COL25A1: variants seen among roughly 807,000 people sequenced by gnomAD.
COL25A1 encodes the protein collagen alpha-1(XXV) chain.
COL25A1 carries 103 observed loss-of-function variants against 128.4 expected under a neutral mutation model. The observed-to-expected ratio is 0.80, with a 90% CI of 0.68 to 0.94. The LOEUF (loss-of-function observed/expected upper bound fraction) is 0.94, where lower values mean the gene tolerates loss of function less well. Ranked by LOEUF, COL25A1 falls within the 40% of genes least tolerant of loss-of-function variation. The probability of loss-of-function intolerance (pLI) is 0.00; values close to 1 mark genes in which losing one functional copy is unlikely to be tolerated. For missense variants in COL25A1, 745 were observed against 840.0 expected (o/e 0.89, Z 1.40); for synonymous variants, 279 against 277.2 (o/e 1.01, Z -0.06).
intron 27 of COL25A1, among the ~76,000 whole-genome samples, chr4:108,847,227 T>C (rs1007300915): frequency 6.6e-6 from 1 of 152,058 alleles, no homozygotes; most frequent in Non-Finnish European, 1.5e-5. Context: ...ATATTAATAT[T>C]GACATTAATT....
intron 6 of COL25A1, among the ~76,000 whole-genome samples, chr4:108,983,360 T>G (rs2126000160): frequency 6.6e-6 from 1 of 152,312 alleles, no homozygotes; most frequent in South Asian, 2.1e-4. Context: ...GCTCTTACTG[T>G]CCTCAACACG....
At chr4:108,956,069 G>A (rs1750039262) in intron 8 of COL25A1, among the ~76,000 whole-genome samples, 1 of 152,104 alleles carries the variant, frequency 6.6e-6, no homozygotes, top group East Asian at 1.9e-4. Context: ...AGGTAGCTCT[G>A]TGAAGTATAT....
intron 3 of COL25A1, among the ~76,000 whole-genome samples, chr4:109,095,552 T>C (rs1049837105): frequency 6.6e-6 from 1 of 152,114 alleles, no homozygotes; most frequent in African/African-American, 2.4e-5. Context: ...AGCCAGTATG[T>C]CAGGGTCCAA....
chr4:109,277,213 T>C (rs1006042801), intron 3 of COL25A1, among the ~76,000 whole-genome samples: 2 of 152,176 alleles, frequency 1.3e-5, no homozygotes, highest in African/African-American at 2.4e-5. Flanking sequence ...CCTCTCTCCA[T>C]GCTTCTAAAA....
chr4:109,100,709 A>C (rs1325402664), intron 3 of COL25A1, among the ~76,000 whole-genome samples: 10 of 152,208 alleles, frequency 6.6e-5, no homozygotes, highest in Non-Finnish European at 1.3e-4. Context: ...GAAAAATGTT[A>C]ACCTCTAGTA....
At chr4:108,831,642 G>T (rs900548232) in intron 32 of COL25A1, among the ~76,000 whole-genome samples, 1 of 151,528 alleles carries the variant, frequency 6.6e-6, no homozygotes, top group African/African-American at 2.4e-5. Flanking sequence ...GATTTCCAAG[G>T]TGAGGAAAAG....
chr4:108,917,198 G>T (rs550127034), intron 13 of COL25A1, among the ~76,000 whole-genome samples: 12 of 152,148 alleles, frequency 7.9e-5, no homozygotes, highest in South Asian at 4.2e-4. Context: ...AACTTACTAG[G>T]TTTAAAATTG....
intron 3 of COL25A1, among the ~76,000 whole-genome samples, chr4:109,151,585 A>C (rs1297036965): frequency 1.3e-5 from 2 of 152,084 alleles, no homozygotes; most frequent in Non-Finnish European, 2.9e-5. Context: ...AAAATTCTTT[A>C]CTTTGTATCA....
intron 3 of COL25A1, among the ~76,000 whole-genome samples, chr4:109,270,043 T>TA (rs1782086203): frequency 6.6e-6 from 1 of 152,052 alleles, no homozygotes; most frequent in Non-Finnish European, 1.5e-5. Context: ...AAACTCTCAA[T>TA]AAATTAGGTA....
intron 8 of COL25A1, among the ~76,000 whole-genome samples, chr4:108,962,194 TC>T (rs755070646): frequency 0.28 from 41,057 of 144,894 alleles, 6,458 homozygotes; most frequent in South Asian, 0.43. Context: ...TCTTTTTTTT[TC>T]TTTTTTTTTT....
chr4:109,011,788 A>G (rs1434611176), intron 5 of COL25A1, among the ~76,000 whole-genome samples: 3 of 152,240 alleles, frequency 2.0e-5, no homozygotes, highest in Admixed American at 2.0e-4. Context: ...CAGATCAACT[A>G]TGGTACAAGA....
At chr4:109,142,439 G>A (rs1016222410) in intron 3 of COL25A1, among the ~76,000 whole-genome samples, 2 of 152,128 alleles carry the variant, frequency 1.3e-5, no homozygotes, top group Middle Eastern at 3.2e-3. Flanking sequence ...AGGTCTGCTT[G>A]GTCCAGAGCT....
chr4:109,279,117 G>A (rs1723119213), intron 3 of COL25A1, among the ~76,000 whole-genome samples: 1 of 151,830 alleles, frequency 6.6e-6, no homozygotes. Flanking sequence ...TTTGGGCGGG[G>A]GGATGGGGGA....
rs75150117 is a variant in COL25A1, at chr4:109,290,682, G to A, written c.367+9901C>T. On this transcript the variant is annotated intron_variant, in intron 3 of 37. Transcript: ENST00000399132. Reference sequence around the variant, plus strand: ...GCTTTGGTTGGCATGTATCAGGGGCGTCCAATCTTTTGGCTTCCCTGGGCC... The same window carrying A: ...GCTTTGGTTGGCATGTATCAGGGGCATCCAATCTTTTGGCTTCCCTGGGCC... Among the ~76,000 whole-genome samples the A allele has an allele frequency of 4.3e-3, 649 of 152,078 alleles. 2 individuals carry two copies. Among genetic ancestry groups the A allele is most frequent in the Non-Finnish European group, 7.7e-3 (522 of 67,952 alleles).
chr4:109,269,802 T>C (rs184181480), intron 3 of COL25A1, among the ~76,000 whole-genome samples: 47 of 152,304 alleles, frequency 3.1e-4, no homozygotes, highest in African/African-American at 1.1e-3. Context: ...TTGATGAACA[T>C]TGATGCAAAA....
intron 11 of COL25A1, among the ~76,000 whole-genome samples, chr4:108,935,612 C>A (rs1299915972): frequency 4.6e-5 from 7 of 150,792 alleles, no homozygotes; most frequent in African/African-American, 1.7e-4. Flanking sequence ...TTTAAAGAGT[C>A]AAGAAAAGTT....
At chr4:108,975,154 T>C (rs1360100356) in intron 6 of COL25A1, among the ~76,000 whole-genome samples, 1 of 152,210 alleles carries the variant, frequency 6.6e-6, no homozygotes, top group Non-Finnish European at 1.5e-5. Flanking sequence ...AGGTCTTGGC[T>C]ATTATAAAAA....
At chr4:109,212,456 A>T (rs1777646695) in intron 3 of COL25A1, among the ~76,000 whole-genome samples, 1 of 152,194 alleles carries the variant, frequency 6.6e-6, no homozygotes, top group South Asian at 2.1e-4. Context: ...GCATTCTAAA[A>T]GTCCTATTGG....
intron 6 of COL25A1, among the ~76,000 whole-genome samples, chr4:108,982,299 G>C (rs142217263): frequency 6.6e-6 from 1 of 152,118 alleles, no homozygotes; most frequent in African/African-American, 2.4e-5. Context: ...GAAATATTTC[G>C]AGAATAGGAA....
Sources: gnomAD v4.1 joint callset for allele counts (sites outside exome capture counted in the v4.1 genomes callset) on GRCh38, gnomAD v4.1.1 for gene constraint, MANE v1.5 for transcripts, NCBI Gene and HGNC (gene_info 2026-07-23, HGNC 2026-07-21) for gene names.